Variants in ANKFN1 observed in about 807,000 individuals in gnomAD.
ANKFN1 encodes ankyrin repeat and fibronectin type-III domain-containing protein 1.
Under a neutral mutation model 108.7 loss-of-function variants are expected in ANKFN1, and 74 were observed. The observed-to-expected ratio is 0.68, with a 90% confidence interval of 0.56 to 0.83. ANKFN1 has a LOEUF of 0.83. Among genes scored for constraint, ANKFN1 ranks in the 40% least tolerant of loss-of-function variants. ANKFN1 has a pLI of 0.00. For missense variants in ANKFN1, 1,505 were observed against 1,382.3 expected (o/e 1.09, Z -1.41); for synonymous variants, 547 against 516.2 (o/e 1.06, Z -0.81).
chr17:56,142,699 G>A (rs1283660175), intron 4 of ANKFN1, among the ~76,000 whole-genome samples: 2 of 152,152 alleles, frequency 1.3e-5, no homozygotes, highest in African/African-American at 2.4e-5. Context: ...GAGAACCAGG[G>A]TGGTCCCAAA....
chr17:56,327,937 G>T (rs1460820306), intron 4 of ANKFN1, among the ~76,000 whole-genome samples: 3 of 152,094 alleles, frequency 2.0e-5, no homozygotes, highest in Non-Finnish European at 4.4e-5. Flanking sequence ...TGAGGATGAG[G>T]GGATACATGT....
intron 3 of ANKFN1, among the ~76,000 whole-genome samples, chr17:56,275,174 T>C (rs1206650578): frequency 1.3e-5 from 2 of 152,076 alleles, no homozygotes; most frequent in African/African-American, 4.8e-5. Flanking sequence ...AGATCCAATA[T>C]CTAAAGTTGA....
At chr17:56,322,968 C>A (rs567728292) in intron 3 of ANKFN1, among the ~76,000 whole-genome samples, 2 of 152,284 alleles carry the variant, frequency 1.3e-5, no homozygotes, top group South Asian at 2.1e-4. Context: ...AAATGATTTT[C>A]TTTCTTAATT....
chr17:56,092,272 T>A (rs1034980045), intron 4 of ANKFN1, among the ~76,000 whole-genome samples: 1 of 137,938 alleles, frequency 7.2e-6, no homozygotes, highest in African/African-American at 3.1e-5. Context: ...TAGTATTTTT[T>A]TTTTTTTTTT....
chr17:56,422,505 G>A (rs56253207), intron 8 of ANKFN1, among the ~76,000 whole-genome samples: 9 of 150,720 alleles, frequency 6.0e-5, no homozygotes, highest in East Asian at 1.9e-4. Context: ...ACACACACAC[G>A]CATGCACGCA....
At chr17:56,444,880 G>T (rs1321127734) in intron 10 of ANKFN1, among the ~76,000 whole-genome samples, 3 of 152,114 alleles carry the variant, frequency 2.0e-5, no homozygotes, top group African/African-American at 7.2e-5. Flanking sequence ...AGTAACTAGT[G>T]CCCTGCTATC....
Position 56,511,321 on chromosome 17 carries a change from A to G in ANKFN1, c.*52A>G. 4 of 1,453,758 alleles carry G rather than the reference A, an allele frequency of 2.8e-6. No homozygotes were observed. The highest frequency in any genetic ancestry group is 3.6e-6 in the Non-Finnish European group (4 of 1,096,406). The allele number at this position is 1,453,758 out of a possible 1,614,324, so 90.1% of individuals were successfully genotyped here. A position where few individuals can be genotyped will look rare whatever the true frequency, so the allele number is the denominator to read the frequency against. On this transcript the variant is annotated 3_prime_UTR_variant, in exon 21 of 21. Transcript: ENST00000682825. ...TCCATGGCTGCTACCTGCGTTTTACATCACCCTTACCCCCATCCTGCCCCA... is the reference window on the plus strand; with the variant it reads ...TCCATGGCTGCTACCTGCGTTTTACGTCACCCTTACCCCCATCCTGCCCCA...
intron 3 of ANKFN1, among the ~76,000 whole-genome samples, chr17:56,264,041 G>T (rs2043587023): frequency 6.6e-6 from 1 of 152,168 alleles, no homozygotes; most frequent in South Asian, 2.1e-4. Flanking sequence ...TTCCAGACAG[G>T]TAATACAGTA....
intron 4 of ANKFN1, among the ~76,000 whole-genome samples, chr17:56,097,066 T>G (rs1905548774): frequency 6.6e-6 from 1 of 152,066 alleles, no homozygotes; most frequent in Admixed American, 6.5e-5. Flanking sequence ...AAACATTGAG[T>G]ACAGACGGAT....
chr17:56,392,468 G>A (rs138090760), intron 8 of ANKFN1, among the ~76,000 whole-genome samples: 266 of 152,254 alleles, frequency 1.7e-3, no homozygotes, highest in African/African-American at 5.6e-3. Context: ...AGTGAATAGC[G>A]CTACACACAA....
At chr17:56,270,930 A>T (rs1001670417) in intron 3 of ANKFN1, among the ~76,000 whole-genome samples, 4 of 152,064 alleles carry the variant, frequency 2.6e-5, no homozygotes, top group African/African-American at 9.7e-5. Flanking sequence ...CTTGCTCTTT[A>T]ATGTTTAATT....
intron 3 of ANKFN1, among the ~76,000 whole-genome samples, chr17:56,317,181 GA>G (rs1332177392): frequency 1.3e-5 from 2 of 152,166 alleles, no homozygotes; most frequent in African/African-American, 2.4e-5. Flanking sequence ...GTTAGAGCTA[GA>G]AGTGACTTTC....
chr17:56,382,686 C>A (rs1412490621), intron 8 of ANKFN1, among the ~76,000 whole-genome samples: 1 of 152,112 alleles, frequency 6.6e-6, no homozygotes, highest in East Asian at 1.9e-4. Context: ...ATCCTAGTCT[C>A]TGATAAAACT....
intron 1 of ANKFN1, among the ~76,000 whole-genome samples, chr17:56,164,432 C>A (rs532779728): frequency 3.5e-4 from 54 of 152,126 alleles, no homozygotes; most frequent in Non-Finnish European, 2.9e-5. Flanking sequence ...CTGTTTCTAT[C>A]GAGACTCTGT....
chr17:56,065,507 G>T (rs1905046126), intron 4 of ANKFN1, among the ~76,000 whole-genome samples: 1 of 152,046 alleles, frequency 6.6e-6, no homozygotes, highest in African/African-American at 2.4e-5. Flanking sequence ...TGCCTTTCTC[G>T]CTAAGTTTGA....
intron 9 of ANKFN1, among the ~76,000 whole-genome samples, chr17:56,441,344 C>A (rs1009392376): frequency 6.6e-6 from 1 of 151,486 alleles, no homozygotes; most frequent in Non-Finnish European, 1.5e-5. Context: ...ATCCTAAAGC[C>A]CACCCTTAAA....
intron 3 of ANKFN1, among the ~76,000 whole-genome samples, chr17:56,263,545 T>C (rs2043574000): frequency 6.6e-6 from 1 of 152,244 alleles, no homozygotes; most frequent in South Asian, 2.1e-4. Flanking sequence ...TAGTACCTTA[T>C]AGAAAGAAGA....
chr17:56,438,574 T>C (rs1331425764), intron 8 of ANKFN1, among the ~76,000 whole-genome samples: 1 of 152,162 alleles, frequency 6.6e-6, no homozygotes, highest in African/African-American at 2.4e-5. Context: ...AGGATTTTTT[T>C]TCTTGAGACA....
rs1419640490 is a variant in ANKFN1, at chr17:56,160,096, T to C, written c.-71+6566T>C. On this transcript the variant is annotated intron_variant, in intron 1 of 20. Transcript: ENST00000682825. ...AGACACAGATGGAGCAAAAGGGAGA[T>C]TAATACATGTGGTTCTAACCACCTT... 3.3e-5 allele frequency among the ~76,000 whole-genome samples: 5 copies of C among 152,156 alleles called. No individual in the cohort carries two copies. In the East Asian group the frequency reaches 9.6e-4, roughly 29 times the overall value.
Sources: allele counts gnomAD v4.1 joint callset (sites outside exome capture counted in the v4.1 genomes callset), GRCh38; gene constraint gnomAD v4.1.1; transcripts MANE v1.5; gene names NCBI Gene and HGNC (gene_info 2026-07-23, HGNC 2026-07-21).